The following PRLR variants were observed in gnomAD, a reference collection of about 807,000 sequenced individuals.
The protein encoded by PRLR is hPRL receptor.
Under a neutral mutation model 40.2 loss-of-function variants are expected in PRLR, and 13 were observed. That is an observed-to-expected ratio of 0.32 (90% CI 0.21 to 0.51). PRLR has a LOEUF of 0.51. PRLR is among the 20% of genes least tolerant of loss of function. The probability of loss-of-function intolerance (pLI) is 0.97; values close to 1 mark genes in which losing one functional copy is unlikely to be tolerated. For missense variants in PRLR, 656 were observed against 747.3 expected, an observed-to-expected ratio of 0.88 and a Z score of 1.42; for synonymous variants, 269 against 278.7, an observed-to-expected ratio of 0.97 and a Z score of 0.35.
At chr5:35,076,227 T>C (rs1439273263) in intron 5 of PRLR, among the ~76,000 whole-genome samples, 5 of 152,158 alleles carry the variant, frequency 3.3e-5, no homozygotes, top group East Asian at 1.9e-4. Flanking sequence ...CTTCAGACGA[T>C]TGGTAATAAC....
chr5:35,119,607 T>C (rs1773209051), intron 1 of PRLR, among the ~76,000 whole-genome samples: 1 of 152,154 alleles, frequency 6.6e-6, no homozygotes, highest in Non-Finnish European at 1.5e-5. Context: ...GAGCCACTCA[T>C]TTTTCTCCAT....
At chr5:35,083,047 T>C (rs941074863) in intron 5 of PRLR, among the ~76,000 whole-genome samples, 2 of 150,278 alleles carry the variant, frequency 1.3e-5, no homozygotes, top group African/African-American at 5.0e-5. Flanking sequence ...TCAAATATTA[T>C]AATGCTTGAG....
intron 1 of PRLR, among the ~76,000 whole-genome samples, chr5:35,147,292 A>G (rs1186595380): frequency 6.6e-6 from 1 of 152,200 alleles, no homozygotes; most frequent in Non-Finnish European, 1.5e-5. Context: ...CCAATTGTTC[A>G]TGAGCAATAT....
chr5:35,065,325 C>A lies in PRLR; in HGVS notation c.1633G>T (p.Glu545Ter). ...KKPGTPENNK[E>*]YAKVSGVMDN... ...ATGACCCCGGACACCTTGGCATACT[C>A]CTTATTGTTCTCAGGAGTCCCGGGC... The change falls in exon 10 of 10, where the codon GAG (glutamate) becomes TAG (stop). Residue 545 changes from glutamate (E) to a stop codon, truncating the protein, a stop_gained. Coordinates refer to ENST00000618457, the MANE Select transcript of PRLR (RefSeq NM_000949.7). LOFTEE classifies it low-confidence loss of function (END_TRUNC). 2 of 1,614,172 alleles carry A rather than the reference C, an allele frequency of 1.2e-6. No individual in the cohort carries two copies. The highest frequency in any genetic ancestry group is 2.2e-5 in the South Asian group (2 of 91,082).
intron 1 of PRLR, among the ~76,000 whole-genome samples, chr5:35,186,847 C>T (rs1375809948): frequency 2.6e-5 from 4 of 152,204 alleles, no homozygotes; most frequent in African/African-American, 4.8e-5. Context: ...GAATACTACT[C>T]TTCTGCACCC....
chr5:35,206,585 G>A (rs991045672), intron 1 of PRLR, among the ~76,000 whole-genome samples: 4 of 151,934 alleles, frequency 2.6e-5, no homozygotes, highest in African/African-American at 9.7e-5. Flanking sequence ...CTTTTGATGG[G>A]GTTATTCAAA....
chr5:35,053,309 A>G (rs888654521), downstream of PRLR, among the ~76,000 whole-genome samples: 1 of 152,236 alleles, frequency 6.6e-6, no homozygotes, highest in Non-Finnish European at 1.5e-5. Flanking sequence ...ACAAATTATA[A>G]GAATGTTAAT....
intron 1 of PRLR, among the ~76,000 whole-genome samples, chr5:35,189,506 G>T (rs75830075): frequency 0.05 from 7,623 of 151,820 alleles, 227 homozygotes; most frequent in Middle Eastern, 0.12. Flanking sequence ...GCTTGAACCC[G>T]GGAGGCAGAG....
chr5:35,055,120 A>T (rs1233434061), downstream of PRLR, among the ~76,000 whole-genome samples: 1 of 152,234 alleles, frequency 6.6e-6, no homozygotes, highest in African/African-American at 2.4e-5. Flanking sequence ...TCACAAATGG[A>T]TGATGAACTC....
intron 1 of PRLR, among the ~76,000 whole-genome samples, chr5:35,118,951 C>T (rs1325526428): frequency 6.6e-6 from 1 of 152,064 alleles, no homozygotes; most frequent in African/African-American, 2.4e-5. Context: ...CATGTCATTA[C>T]ACCTGGCGAA....
At chr5:35,182,000 G>C (rs192172058) in intron 1 of PRLR, among the ~76,000 whole-genome samples, 2 of 152,144 alleles carry the variant, frequency 1.3e-5, no homozygotes, top group African/African-American at 4.8e-5. Context: ...AACTCCCACT[G>C]CATTTGTTGA....
At chr5:35,153,266 C>G (rs1375238883) in intron 1 of PRLR, among the ~76,000 whole-genome samples, 1 of 152,218 alleles carries the variant, frequency 6.6e-6, no homozygotes, top group African/African-American at 2.4e-5. Context: ...TAATTTGCTT[C>G]TTGATAACTT....
intron 1 of PRLR, among the ~76,000 whole-genome samples, chr5:35,128,025 C>A (rs1010528450): frequency 6.6e-6 from 1 of 152,036 alleles, no homozygotes; most frequent in African/African-American, 2.4e-5. Context: ...AGGCATTCAA[C>A]CTGCTTCTTG....
chr5:35,070,021 T>A, intron 7 of PRLR, 103 bp downstream of exon 7: 1 of 1,334,964 alleles, frequency 7.5e-7, no homozygotes, highest in Non-Finnish European at 1.0e-6. Context: ...TCTATTGTTC[T>A]GGCTAAGGCT....
At chr5:35,214,308 C>G (rs994165342) in intron 1 of PRLR, among the ~76,000 whole-genome samples, 3 of 152,210 alleles carry the variant, frequency 2.0e-5, no homozygotes, top group Non-Finnish European at 2.9e-5. Flanking sequence ...TTGGCAAGGA[C>G]AGTGGCCCTG....
intron 1 of PRLR, among the ~76,000 whole-genome samples, chr5:35,207,116 AATTGAT>A (rs1776042823): frequency 6.6e-6 from 1 of 152,122 alleles, no homozygotes; most frequent in Non-Finnish European, 1.5e-5. Context: ...TTCTTCTTGA[AATTGAT>A]ATTAAGACAG....
intron 2 of PRLR, among the ~76,000 whole-genome samples, chr5:35,104,938 C>T (rs1287453391): frequency 6.6e-6 from 1 of 152,228 alleles, no homozygotes; most frequent in Non-Finnish European, 1.5e-5. Flanking sequence ...GGGTCCCTGA[C>T]CCCCGAGTAG....
chr5:35,105,987 T>C (rs1021166855), intron 2 of PRLR, among the ~76,000 whole-genome samples: 86 of 152,298 alleles, frequency 5.6e-4, no homozygotes, highest in Non-Finnish European at 9.6e-4. Context: ...AAAGGTTGGG[T>C]TACCCACAAA....
At chr5:35,108,374 G>T (rs1348776129) in intron 2 of PRLR, among the ~76,000 whole-genome samples, 1 of 152,090 alleles carries the variant, frequency 6.6e-6, no homozygotes, top group Non-Finnish European at 1.5e-5. Context: ...TTCTGGCCAG[G>T]GCAATCAGGC....
Sources: gnomAD v4.1 joint callset for allele counts (sites outside exome capture counted in the v4.1 genomes callset) on GRCh38, gnomAD v4.1.1 for gene constraint, MANE v1.5 for transcripts, NCBI Gene and HGNC (gene_info 2026-07-23, HGNC 2026-07-21) for gene names.